PARD3B: variants seen among roughly 807,000 people sequenced by gnomAD.
PARD3B encodes the protein par-3 family cell polarity regulator beta, also known as partitioning defective 3 homolog B.
In PARD3B, 103 loss-of-function variants were observed where a neutral mutation model predicts 130.2. The ratio of observed to expected loss-of-function variants is 0.79; its 90% confidence interval spans 0.67 to 0.93. The LOEUF is 0.93. PARD3B is among the 40% of genes least tolerant of loss of function. PARD3B has a pLI of 0.00. For missense variants in PARD3B, 1,609 were observed against 1,499.2 expected, an observed-to-expected ratio of 1.07 and a Z score of -1.21; for synonymous variants, 583 against 553.2, an observed-to-expected ratio of 1.05 and a Z score of -0.76.
chr2:205,190,496 T>C (rs928564116), intron 14 of PARD3B, among the ~76,000 whole-genome samples: 45 of 152,212 alleles, frequency 3.0e-4, no homozygotes, highest in African/African-American at 1.0e-3. Flanking sequence ...GGTGAGCAAG[T>C]CTTCACTAAA....
At chr2:205,262,121 A>G (rs1413459066) in intron 16 of PARD3B, among the ~76,000 whole-genome samples, 1 of 152,140 alleles carries the variant, frequency 6.6e-6, no homozygotes, top group Non-Finnish European at 1.5e-5. Context: ...CTTACCAGTC[A>G]TGTAAGACTG....
chr2:205,449,293 G>A (rs145313054), intron 20 of PARD3B, among the ~76,000 whole-genome samples: 11 of 150,834 alleles, frequency 7.3e-5, no homozygotes, highest in African/African-American at 2.7e-4. Flanking sequence ...GCAGTGGCGC[G>A]ATCTCAGCTC....
At chr2:204,825,498 G>A (rs1014532991) in intron 2 of PARD3B, among the ~76,000 whole-genome samples, 6 of 152,152 alleles carry the variant, frequency 3.9e-5, no homozygotes, top group African/African-American at 1.4e-4. Context: ...TGCCACAGCC[G>A]ACTTTCTTCA....
At chr2:205,582,384 G>A (rs898414039) in intron 22 of PARD3B, among the ~76,000 whole-genome samples, 9 of 152,080 alleles carry the variant, frequency 5.9e-5, no homozygotes, top group Non-Finnish European at 1.2e-4. Context: ...CCATTACAAT[G>A]CTGGTAATTA....
chr2:204,577,449 C>T (rs1378093164), intron 1 of PARD3B, among the ~76,000 whole-genome samples: 1 of 152,246 alleles, frequency 6.6e-6, no homozygotes, highest in African/African-American at 2.4e-5. Flanking sequence ...CAAGCCCAGC[C>T]TGTCTGGCTC....
Position 204,675,578 on chromosome 2 carries a change from C to T in PARD3B, c.121-10603C>T, listed in dbSNP as rs903605490. On this transcript the variant is annotated intron_variant, in intron 1 of 22. Transcript: ENST00000406610. The surrounding 1 kb of genome is among the most constrained non-coding windows in gnomAD (Gnocchi z 4.4). ...AAATTTGTTCTTTATTAAAAAAAAG[C>T]TCTATCTAGATCTGGACCTTTTCTT... Among the ~76,000 whole-genome samples the T allele has an allele frequency of 2.0e-5, 3 of 151,922 alleles. No homozygotes were observed. Among genetic ancestry groups the T allele is most frequent in the Non-Finnish European group, 4.4e-5 (3 of 67,958 alleles).
intron 2 of PARD3B, among the ~76,000 whole-genome samples, chr2:204,691,610 C>T (rs780101534): frequency 1.3e-5 from 2 of 151,982 alleles, no homozygotes; most frequent in Non-Finnish European, 2.9e-5. Context: ...TGTAGGAAAA[C>T]TAGGTAGGTA....
chr2:205,021,905 C>T lies in PARD3B; in HGVS notation c.395-25676C>T, dbSNP rs1696641255. On this transcript the variant is annotated intron_variant, in intron 3 of 22. Transcript: ENST00000406610. The surrounding 1 kb of genome is among the most constrained non-coding windows in gnomAD (Gnocchi z 4.5). ...AAAATCTTCATATGTGGTCAAACAC[C>T]TTTTACTTTTATTAGGAGAAAATGG... Among the ~76,000 whole-genome samples, 1 of 151,988 alleles carries T rather than the reference C, an allele frequency of 6.6e-6. No homozygotes were observed. The highest frequency in any genetic ancestry group is 2.1e-4 in the South Asian group (1 of 4,826).
chr2:204,888,993 G>A (rs2046358263), intron 2 of PARD3B, among the ~76,000 whole-genome samples: 1 of 152,144 alleles, frequency 6.6e-6, no homozygotes, highest in Non-Finnish European at 1.5e-5. Flanking sequence ...AATATTATGT[G>A]CAGTGCCAGG....
intron 2 of PARD3B, among the ~76,000 whole-genome samples, chr2:204,846,948 G>A (rs1455001627): frequency 6.6e-6 from 1 of 151,830 alleles, no homozygotes. Context: ...CATTGGGATT[G>A]CTCTCTTATA....
chr2:204,620,318 G>T (rs1574562939), intron 1 of PARD3B, among the ~76,000 whole-genome samples: 1 of 151,880 alleles, frequency 6.6e-6, no homozygotes, highest in South Asian at 2.1e-4. Context: ...ACCTTTCTTG[G>T]GTTACAGGTG....
chr2:204,899,401 A>C (rs1402698779), intron 2 of PARD3B, among the ~76,000 whole-genome samples: 2 of 151,836 alleles, frequency 1.3e-5, no homozygotes, highest in Admixed American at 1.3e-4. Flanking sequence ...TTCTGATTTG[A>C]GGTTGCCATG....
intron 2 of PARD3B, among the ~76,000 whole-genome samples, chr2:204,911,153 C>A (rs1267989801): frequency 1.3e-5 from 2 of 152,110 alleles, no homozygotes; most frequent in African/African-American, 2.4e-5. Context: ...GCCCAATAAT[C>A]CCTGAATAAA....
At chr2:205,488,683 TTC>T (rs2049544261) in intron 20 of PARD3B, among the ~76,000 whole-genome samples, 1 of 152,132 alleles carries the variant, frequency 6.6e-6, no homozygotes, top group African/African-American at 2.4e-5. Context: ...TGAAATGATG[TTC>T]AGCACAGCAT....
intron 4 of PARD3B, among the ~76,000 whole-genome samples, chr2:205,069,190 A>G (rs1376774017): frequency 6.6e-6 from 1 of 151,994 alleles, no homozygotes; most frequent in African/African-American, 2.4e-5. Flanking sequence ...TTAGTTGTCT[A>G]CAGTTCTCTA....
chr2:204,611,507 T>G (rs1158913192), intron 1 of PARD3B, among the ~76,000 whole-genome samples: 3 of 152,208 alleles, frequency 2.0e-5, no homozygotes, highest in African/African-American at 7.2e-5. Flanking sequence ...GGAGATTGTC[T>G]CGTGGTATGT....
At chr2:205,547,715 G>A (rs1049255881) in intron 21 of PARD3B, among the ~76,000 whole-genome samples, 3 of 152,124 alleles carry the variant, frequency 2.0e-5, no homozygotes, top group African/African-American at 7.2e-5. Context: ...CCCCAAACTA[G>A]CAATGTTACA....
chr2:204,623,471 C>T lies in PARD3B; in HGVS notation c.121-62710C>T, dbSNP rs1255059792. On this transcript the variant is annotated intron_variant, in intron 1 of 22. Transcript: ENST00000406610. The surrounding 1 kb of genome is among the most constrained non-coding windows in gnomAD (Gnocchi z 4.5). ...TCCACCATCCCTTTTTCCTTGCAAT[C>T]AACAATCTTTTCTATATCTCTATAA... Among the ~76,000 whole-genome samples the T allele has an allele frequency of 6.6e-6, 1 of 152,112 alleles. No homozygotes were observed. The highest frequency in any genetic ancestry group is 1.5e-5 in the Non-Finnish European group (1 of 68,008).
chr2:204,654,861 C>A (rs925183515), intron 1 of PARD3B, among the ~76,000 whole-genome samples: 2 of 152,096 alleles, frequency 1.3e-5, no homozygotes, highest in Non-Finnish European at 2.9e-5. Context: ...TCTAAAGAAA[C>A]TTTCTTAAAC....
Sources: allele counts gnomAD v4.1 joint callset (sites outside exome capture counted in the v4.1 genomes callset), GRCh38; gene constraint gnomAD v4.1.1; non-coding constraint Gnocchi (gnomAD v3.1); transcripts MANE v1.5; gene names NCBI Gene and HGNC (gene_info 2026-07-23, HGNC 2026-07-21).